Variants in COL5A2 observed in about 807,000 individuals in gnomAD.
COL5A2 encodes collagen type V alpha 2 chain.
COL5A2 carries 23 observed loss-of-function variants against 208.2 expected under a neutral mutation model. The ratio of observed to expected loss-of-function variants is 0.11; its 90% CI spans 0.08 to 0.16. The LOEUF is 0.16. Ranked by LOEUF, COL5A2 falls within the 10% of genes least tolerant of loss-of-function variation. COL5A2 has a pLI of 1.00. For missense variants in COL5A2, 1,590 were observed against 1,956.4 expected, an observed-to-expected ratio of 0.81 and a Z score of 3.53; for synonymous variants, 625 against 628.5, an observed-to-expected ratio of 0.99 and a Z score of 0.08.
chr2:189,258,438 A>G, the COL5A2 span, among the ~76,000 whole-genome samples: 2 of 152,342 alleles, frequency 1.3e-5, no homozygotes, highest in Non-Finnish European at 2.9e-5. Flanking sequence ...ATTTTAAATG[A>G]CCAGTCTTTT....
At chr2:189,285,178 A>G in the COL5A2 span, among the ~76,000 whole-genome samples, 1 of 151,398 alleles carries the variant, frequency 6.6e-6, no homozygotes, top group Non-Finnish European at 1.5e-5. Flanking sequence ...GCAAGGCAGT[A>G]TGAACCCCTC....
the COL5A2 span, among the ~76,000 whole-genome samples, chr2:189,416,696 A>AAACTT: frequency 6.6e-6 from 1 of 152,230 alleles, no homozygotes; most frequent in Non-Finnish European, 1.5e-5. Flanking sequence ...ATGTACCCTA[A>AAACTT]AACTTAAAGT....
chr2:189,134,163 C>A (rs1016200744), intron 1 of COL5A2, among the ~76,000 whole-genome samples: 2 of 152,176 alleles, frequency 1.3e-5, no homozygotes, highest in Non-Finnish European at 2.9e-5. Context: ...GCCAGTCATG[C>A]AGAACCTTAT....
the COL5A2 span, among the ~76,000 whole-genome samples, chr2:189,402,497 C>A: frequency 1.3e-5 from 2 of 152,240 alleles, no homozygotes; most frequent in African/African-American, 4.8e-5. Context: ...AAGACACAGG[C>A]ATGAGCCACT....
intron 31 of COL5A2, among the ~76,000 whole-genome samples, chr2:189,059,461 A>T (rs1685973144): frequency 6.6e-6 from 1 of 151,926 alleles, no homozygotes; most frequent in Non-Finnish European, 1.5e-5. Flanking sequence ...TTCTTTGATA[A>T]AGATAACTTT....
chr2:189,276,472 T>C, the COL5A2 span, among the ~76,000 whole-genome samples: 1 of 152,186 alleles, frequency 6.6e-6, no homozygotes, highest in African/African-American at 2.4e-5. Context: ...GGGAAGTTTT[T>C]TCTGGTTTTA....
chr2:189,154,911 A>G (rs1688215190), intron 1 of COL5A2, among the ~76,000 whole-genome samples: 1 of 152,194 alleles, frequency 6.6e-6, no homozygotes, highest in Non-Finnish European at 1.5e-5. Context: ...CGAATGAATG[A>G]ATAAATTAGT....
the COL5A2 span, among the ~76,000 whole-genome samples, chr2:189,361,037 A>C: frequency 2.6e-5 from 4 of 151,676 alleles, no homozygotes; most frequent in South Asian, 8.3e-4. Context: ...TCTATCCTAA[A>C]AGATTTTCTG....
intron 1 of COL5A2, among the ~76,000 whole-genome samples, chr2:189,176,093 G>A (rs374448622): frequency 1.1e-4 from 17 of 151,746 alleles, no homozygotes; most frequent in East Asian, 7.7e-4. Flanking sequence ...TTTTTGTATC[G>A]TAACAATGAG....
At chr2:189,305,321 C>T in the COL5A2 span, among the ~76,000 whole-genome samples, 1 of 152,204 alleles carries the variant, frequency 6.6e-6, no homozygotes. Context: ...TATGTTGAAA[C>T]TTAATCGCCA....
intron 6 of COL5A2, among the ~76,000 whole-genome samples, chr2:189,094,588 G>GACACACACACACACAC (rs1175370532): frequency 0.037 from 436 of 11,684 alleles, 136 homozygotes; most frequent in Admixed American, 0.053. Flanking sequence ...CTTTCTCTCT[G>GACACACACACACACAC]ACACACACAC....
At chr2:189,141,906 G>A (rs1262145568) in intron 1 of COL5A2, among the ~76,000 whole-genome samples, 2 of 152,118 alleles carry the variant, frequency 1.3e-5, no homozygotes, top group Non-Finnish European at 2.9e-5. Context: ...TAAAGGTTGA[G>A]CTTCATCAAA....
chr2:189,076,538 C>G (rs889840145), intron 16 of COL5A2, among the ~76,000 whole-genome samples: 4 of 152,124 alleles, frequency 2.6e-5, no homozygotes, highest in Non-Finnish European at 4.4e-5. Flanking sequence ...GAGAAAGACA[C>G]TAAAAGGCTG....
At chr2:189,391,178 A>C in the COL5A2 span, among the ~76,000 whole-genome samples, 2 of 152,142 alleles carry the variant, frequency 1.3e-5, no homozygotes, top group African/African-American at 2.4e-5. Context: ...TGAGACCCCA[A>C]ATTTGGCTGG....
chr2:189,405,391 C>A, the COL5A2 span, among the ~76,000 whole-genome samples: 3 of 151,892 alleles, frequency 2.0e-5, no homozygotes, highest in Non-Finnish European at 4.4e-5. Flanking sequence ...GCTATGACAC[C>A]CGGCTAATTT....
chr2:189,194,588 A>T (rs1030266432), intron 1 of COL5A2, among the ~76,000 whole-genome samples: 1 of 152,186 alleles, frequency 6.6e-6, no homozygotes, highest in Admixed American at 6.5e-5. Flanking sequence ...TAATTTAGCC[A>T]CTTCCCAGTT....
chr2:189,381,638 T>C, the COL5A2 span, among the ~76,000 whole-genome samples: 3 of 151,904 alleles, frequency 2.0e-5, no homozygotes, highest in African/African-American at 7.2e-5. Flanking sequence ...CAAAAGAGGG[T>C]AGTAGGTAGA....
the COL5A2 span, among the ~76,000 whole-genome samples, chr2:189,294,333 T>A: frequency 6.6e-6 from 1 of 152,212 alleles, no homozygotes; most frequent in Admixed American, 6.5e-5. Flanking sequence ...TGTATTTATA[T>A]AGCCTGTGTC....
the COL5A2 span, among the ~76,000 whole-genome samples, chr2:189,375,411 T>A: frequency 6.6e-6 from 1 of 152,228 alleles, no homozygotes; most frequent in African/African-American, 2.4e-5. Context: ...CTTTGATTTG[T>A]TGAATGAGGT....
Sources: gnomAD v4.1 joint callset for allele counts (sites outside exome capture counted in the v4.1 genomes callset) on GRCh38, gnomAD v4.1.1 for gene constraint, MANE v1.5 for transcripts, NCBI Gene and HGNC (gene_info 2026-07-23, HGNC 2026-07-21) for gene names.